Variants in PPM1D observed in about 807,000 individuals in gnomAD.
PPM1D encodes protein phosphatase, Mg2+/Mn2+ dependent 1D, also known as protein phosphatase 1D.
In PPM1D, 52 loss-of-function variants were observed where a neutral mutation model predicts 58.3. The observed-to-expected ratio is 0.89, with a 90% CI of 0.71 to 1.12. The LOEUF is 1.12. Ranked by LOEUF, PPM1D falls within the 50% of genes most tolerant of loss-of-function variation. The probability of loss-of-function intolerance (pLI) is 0.00; values close to 1 mark genes in which losing one functional copy is unlikely to be tolerated. For synonymous variants in PPM1D, 278 were observed against 285.1 expected (o/e 0.98, Z 0.25); for missense variants, 564 against 777.2 (o/e 0.73, Z 3.26).
At chr17:60,657,203 C>T in intron 5 of PPM1D, 1 of 688,480 alleles carries the variant, frequency 1.5e-6, no homozygotes, top group Non-Finnish European at 1.8e-6. Context: ...CAGTAATAAG[C>T]CTGAGAGATT....
Position 60,600,606 on chromosome 17 carries a change from G to C in PPM1D, c.192G>C (p.Ser64=), listed in dbSNP as rs958553319. ...CCGCCCTTCCCGGCGGCGAAGTCTC[G>C]GGGAAAGGCCCAGCGGTGGCAGCCC... ...SPAALPGGEV[S]GKGPAVAARE... The change falls in exon 1 of 6, where the codon TCG becomes TCC. Residue 64 remains serine (S), a synonymous_variant. Transcript: ENST00000305921. The C allele has an allele frequency of 7.0e-6, 11 of 1,560,364 alleles. No individual in the cohort carries two copies. The highest frequency in any genetic ancestry group is 9.5e-6 in the Non-Finnish European group (11 of 1,154,128).
In PPM1D at chr17:60,633,832, A is replaced by G. The variant is rs138641521; in HGVS notation, c.702-21A>G. On this transcript the variant is annotated intron_variant, in intron 2 of 5. Coordinates refer to ENST00000305921, the MANE Select transcript of PPM1D (RefSeq NM_003620.4). ...TGTATTTTAATCATTTAGATTATTTATGTGAACTCTTTATTTTTAGTGTAA... is the reference window on the plus strand; with the variant it reads ...TGTATTTTAATCATTTAGATTATTTGTGTGAACTCTTTATTTTTAGTGTAA... The G allele has an allele frequency of 3.3e-3, 5,289 of 1,591,172 alleles. 13 individuals are homozygous for G. Among genetic ancestry groups the G allele is most frequent in the Non-Finnish European group, 3.8e-3 (4,430 of 1,164,316 alleles).
At chr17:60,659,497 A>G (rs2031493054) in intron 5 of PPM1D, among the ~76,000 whole-genome samples, 1 of 152,246 alleles carries the variant, frequency 6.6e-6, no homozygotes, top group African/African-American at 2.4e-5. Context: ...GTTTAGGGCA[A>G]AACTAAATTT....
intron 2 of PPM1D, among the ~76,000 whole-genome samples, chr17:60,624,618 C>G (rs2030769401): frequency 6.6e-6 from 1 of 151,912 alleles, no homozygotes; most frequent in Non-Finnish European, 1.5e-5. Context: ...GAAACCCCGT[C>G]GCTACTAAAA....
chr17:60,619,638 C>T (rs946742737), intron 1 of PPM1D, among the ~76,000 whole-genome samples: 5 of 151,906 alleles, frequency 3.3e-5, no homozygotes, highest in East Asian at 1.9e-4. Flanking sequence ...TGGGTCTTCT[C>T]GCTCTGTTGC....
intron 2 of PPM1D, among the ~76,000 whole-genome samples, chr17:60,624,383 C>T (rs1224864478): frequency 4.6e-5 from 7 of 152,180 alleles, no homozygotes; most frequent in African/African-American, 1.7e-4. Context: ...CCAATGTTTT[C>T]TAAATAATCC....
At chr17:60,618,550 T>C (rs2143645575) in intron 1 of PPM1D, among the ~76,000 whole-genome samples, 1 of 152,360 alleles carries the variant, frequency 6.6e-6, no homozygotes, top group South Asian at 2.1e-4. Context: ...TTAAAGAAGC[T>C]GAATACCTTT....
At chr17:60,645,544 A>G (rs940274421) in intron 3 of PPM1D, among the ~76,000 whole-genome samples, 1 of 135,414 alleles carries the variant, frequency 7.4e-6, no homozygotes, top group Non-Finnish European at 1.5e-5. Context: ...GTGTATATAT[A>G]TGTATATATA....
At chr17:60,626,517 CT>C (rs2030812321) in intron 2 of PPM1D, among the ~76,000 whole-genome samples, 2 of 151,610 alleles carry the variant, frequency 1.3e-5, no homozygotes, top group African/African-American at 4.9e-5. Context: ...GCCTGAGCCT[CT>C]CTAGTAGCTG....
rs774801686 is a variant in PPM1D, at chr17:60,663,583, CTT to C, written c.*32_*33del. 11 of 1,585,318 alleles carry C rather than the reference CTT, an allele frequency of 6.9e-6. No homozygotes were observed. The African/African-American group carries it at 9.4e-5, about 14-fold the overall frequency. The stretch of plus-strand genomic sequence containing the variant: ...ATCTGGGAAATGAGGTTTTTCCAAA[CTT>C]AGGATATAAGAGGGCTTTTTAAATT... On this transcript the variant is annotated 3_prime_UTR_variant, in exon 6 of 6. Coordinates refer to ENST00000305921, the MANE Select transcript of PPM1D (RefSeq NM_003620.4).
rs1238420044 is a variant in PPM1D, at chr17:60,662,888, G to A, written c.1261-107G>A. On this transcript the variant is annotated intron_variant, in intron 5 of 5. Transcript: ENST00000305921. ...GAACGAATTAGTGAATGCATACCCC[G>A]TTTTTGCCATCCTACTAGCTTCATA... 28 of 1,077,220 alleles carry A rather than the reference G, an allele frequency of 2.6e-5. No homozygotes were observed. The East Asian group carries it at 5.7e-4, about 22-fold the overall frequency. 66.7% of individuals were successfully genotyped at this position (1,077,220 alleles called of 1,614,324 possible).
At chr17:60,623,788 ATTTAGTCCTT>A in intron 2 of PPM1D, 39 bp downstream of exon 2, 1 of 1,586,434 alleles carries the variant, frequency 6.3e-7, no homozygotes, top group Non-Finnish European at 8.6e-7. Context: ...TTTTGGTTCT[ATTTAGTCCTT>A]TTATGCTTTA....
intron 3 of PPM1D, among the ~76,000 whole-genome samples, chr17:60,642,899 C>G (rs1376915381): frequency 6.6e-6 from 1 of 151,046 alleles, no homozygotes; most frequent in South Asian, 2.1e-4. Flanking sequence ...ACCCCCATCT[C>G]TACTAAAAAT....
intron 3 of PPM1D, among the ~76,000 whole-genome samples, chr17:60,637,177 A>G (rs1365176861): frequency 6.6e-6 from 1 of 152,020 alleles, no homozygotes; most frequent in Non-Finnish European, 1.5e-5. Context: ...CTGGGGCCAC[A>G]GAATGTAGGC....
intron 3 of PPM1D, among the ~76,000 whole-genome samples, chr17:60,637,432 C>G (rs2143682193): frequency 1.3e-5 from 2 of 152,096 alleles, no homozygotes; most frequent in South Asian, 4.1e-4. Context: ...AACTGAGCAG[C>G]TGGAAAAATG....
chr17:60,635,589 C>G (rs554350806), intron 3 of PPM1D, among the ~76,000 whole-genome samples: 26 of 152,194 alleles, frequency 1.7e-4, no homozygotes, highest in African/African-American at 6.3e-4. Context: ...GTTTTTGTGT[C>G]GTAACACTCA....
chr17:60,656,274 A>G (rs2031436688), intron 4 of PPM1D, among the ~76,000 whole-genome samples: 1 of 150,982 alleles, frequency 6.6e-6, no homozygotes, highest in South Asian at 2.1e-4. Context: ...TAACATGGTG[A>G]AATCCCGTCT....
chr17:60,641,281 T>A (rs1019596918), intron 3 of PPM1D, among the ~76,000 whole-genome samples: 1 of 152,212 alleles, frequency 6.6e-6, no homozygotes, highest in Non-Finnish European at 1.5e-5. Flanking sequence ...TTTTTAATAA[T>A]AGTCATTCTC....
At chr17:60,617,263 TTG>T (rs2030603833) in intron 1 of PPM1D, among the ~76,000 whole-genome samples, 1 of 152,132 alleles carries the variant, frequency 6.6e-6, no homozygotes, top group African/African-American at 2.4e-5. Flanking sequence ...CTGCCAAATT[TTG>T]TGTTTTGAAT....
Sources: gnomAD v4.1 joint callset for allele counts (sites outside exome capture counted in the v4.1 genomes callset) on GRCh38, gnomAD v4.1.1 for gene constraint, MANE v1.5 for transcripts, NCBI Gene and HGNC (gene_info 2026-07-23, HGNC 2026-07-21) for gene names.